The following KLRG1 variants were observed in gnomAD, a reference collection of about 807,000 sequenced individuals.
KLRG1 encodes the protein killer cell lectin like receptor G1, also known as killer cell lectin-like receptor subfamily G member 1.
KLRG1 carries 16 observed loss-of-function variants against 21.8 expected under a neutral mutation model. The observed-to-expected ratio is 0.73, with a 90% CI of 0.50 to 1.11. The LOEUF (loss-of-function observed/expected upper bound fraction) is 1.11. KLRG1 is among the 50% of genes most tolerant of loss of function. The pLI is 0.00. For missense variants in KLRG1, 173 were observed against 218.3 expected, an observed-to-expected ratio of 0.79 and a Z score of 1.31; for synonymous variants, 69 against 75.9, an observed-to-expected ratio of 0.91 and a Z score of 0.47.
the KLRG1 span, chr12:9,162,720 T>C: frequency 8.4e-7 from 1 of 1,185,404 alleles, no homozygotes; most frequent in Non-Finnish European, 1.2e-6. Flanking sequence ...TGGATTCCTT[T>C]CTTTGATGGG....
At chr12:9,004,905 A>C (rs192243878) in intron 3 of KLRG1, among the ~76,000 whole-genome samples, 2 of 152,334 alleles carry the variant, frequency 1.3e-5, no homozygotes, top group African/African-American at 4.8e-5. Context: ...TTTTAAATTT[A>C]GTTTTGTTAT....
the KLRG1 span, chr12:9,192,576 G>A: frequency 6.8e-6 from 11 of 1,614,082 alleles, no homozygotes; most frequent in African/African-American, 4.0e-5. Flanking sequence ...ATAGTGTGCC[G>A]TGATAGTCTC....
At chr12:9,213,226 T>C in the KLRG1 span, among the ~76,000 whole-genome samples, 4 of 152,238 alleles carry the variant, frequency 2.6e-5, no homozygotes, top group African/African-American at 9.6e-5. Flanking sequence ...CATTCCTCAG[T>C]TGATAGACAT....
chr12:9,121,122 G>T, the KLRG1 span, among the ~76,000 whole-genome samples: 1 of 151,974 alleles, frequency 6.6e-6, no homozygotes, highest in African/African-American at 2.4e-5. This position sits in a 1 kb window ranked among gnomAD's most constrained non-coding sequence, Gnocchi z 4.4. Context: ...CTGGCCTCAC[G>T]GGATCTTCCT....
At chr12:9,168,982 A>G in the KLRG1 span, 1 of 1,597,156 alleles carries the variant, frequency 6.3e-7, no homozygotes, top group Middle Eastern at 1.7e-4. Context: ...CCCCTGGAAA[A>G]AAATAATTGT....
At chr12:9,163,730 C>A in the KLRG1 span, 2 of 1,613,970 alleles carry the variant, frequency 1.2e-6, no homozygotes, top group Middle Eastern at 3.3e-4. Flanking sequence ...TCAACAACCT[C>A]ATTTCCACAG....
chr12:9,103,580 C>G, the KLRG1 span, among the ~76,000 whole-genome samples: 2 of 152,156 alleles, frequency 1.3e-5, no homozygotes, highest in Non-Finnish European at 2.9e-5. Context: ...CTCTCTTTCC[C>G]TAGCCCTTGG....
chr12:8,973,521 A>C (rs931478666), intron 1 of KLRG1, among the ~76,000 whole-genome samples: 3 of 152,232 alleles, frequency 2.0e-5, no homozygotes, highest in Admixed American at 6.5e-5. Context: ...CTTGGAACAG[A>C]GACTGGGCCT....
the KLRG1 span, among the ~76,000 whole-genome samples, chr12:9,052,089 A>C: frequency 6.6e-6 from 1 of 152,182 alleles, no homozygotes; most frequent in African/African-American, 2.4e-5. Context: ...TGCCTTATAT[A>C]AGAGCGTCTG....
chr12:9,082,438 C>T, the KLRG1 span, among the ~76,000 whole-genome samples: 1 of 152,208 alleles, frequency 6.6e-6, no homozygotes, highest in Admixed American at 6.5e-5. Context: ...AGTGGCCCTA[C>T]CAAACATAAG....
At chr12:9,039,880 T>A in the KLRG1 span, among the ~76,000 whole-genome samples, 1 of 152,230 alleles carries the variant, frequency 6.6e-6, no homozygotes, top group Non-Finnish European at 1.5e-5. Flanking sequence ...GATAGATTAT[T>A]TGATTAGCAA....
At chr12:8,951,221 C>T (rs1946197418) in intron 1 of KLRG1, among the ~76,000 whole-genome samples, 2 of 152,148 alleles carry the variant, frequency 1.3e-5, no homozygotes, top group South Asian at 4.2e-4. Context: ...GCCCGTAATC[C>T]CAGCACTTTG....
At chr12:9,099,758 AG>A in the KLRG1 span, among the ~76,000 whole-genome samples, 2 of 152,238 alleles carry the variant, frequency 1.3e-5, no homozygotes, top group Non-Finnish European at 2.9e-5. Context: ...ATGCTAGTTA[AG>A]GGTATGAAGA....
At chr12:8,964,858 C>A (rs752165725) in intron 1 of KLRG1, among the ~76,000 whole-genome samples, 2 of 151,298 alleles carry the variant, frequency 1.3e-5, no homozygotes, top group African/African-American at 4.9e-5. Flanking sequence ...AGGATTGCAA[C>A]CCCTGCCTTT....
the KLRG1 span, chr12:9,192,642 C>T: frequency 2.5e-6 from 4 of 1,614,098 alleles, no homozygotes; most frequent in Non-Finnish European, 3.4e-6. Context: ...GTAACTTCCA[C>T]TTAAGGAGAA....
At chr12:8,992,368 A>G in intron 2 of KLRG1, 58 bp downstream of exon 2, 1 of 1,225,086 alleles carries the variant, frequency 8.2e-7, no homozygotes, top group Non-Finnish European at 1.2e-6. Context: ...AAGCAATATA[A>G]CATAGCAGAA....
At chr12:8,971,598 CT>C (rs1296744048) in intron 1 of KLRG1, among the ~76,000 whole-genome samples, 1 of 136,662 alleles carries the variant, frequency 7.3e-6, no homozygotes, top group Non-Finnish European at 1.6e-5. Flanking sequence ...TCAAGCGATT[CT>C]CCTGCCTCAG....
chr12:9,114,985 T>C, the KLRG1 span, among the ~76,000 whole-genome samples: 1 of 152,224 alleles, frequency 6.6e-6, no homozygotes, highest in Non-Finnish European at 1.5e-5. Flanking sequence ...CCAGTGAATT[T>C]ATGCATCCAT....
At chr12:9,144,616 A>AT in the KLRG1 span, among the ~76,000 whole-genome samples, 1 of 152,186 alleles carries the variant, frequency 6.6e-6, no homozygotes, top group African/African-American at 2.4e-5. Flanking sequence ...CTTCTGGCCA[A>AT]TTTTAGTCAG....
Sources: allele counts gnomAD v4.1 joint callset (sites outside exome capture counted in the v4.1 genomes callset), GRCh38; gene constraint gnomAD v4.1.1; non-coding constraint Gnocchi (gnomAD v3.1); transcripts MANE v1.5; gene names NCBI Gene and HGNC (gene_info 2026-07-23, HGNC 2026-07-21).